Variants in NXPE2 observed in about 807,000 individuals in gnomAD.
The protein encoded by NXPE2 is neurexophilin and PC-esterase domain family member 2.
In NXPE2, 34 loss-of-function variants were observed where a neutral mutation model predicts 34.4. The observed-to-expected ratio is 0.99, with a 90% CI of 0.75 to 1.31. The LOEUF is 1.31. Ranked by LOEUF, NXPE2 falls within the 40% of genes most tolerant of loss-of-function variation. The pLI is 0.00. For synonymous variants in NXPE2, 235 were observed against 231.3 expected (o/e 1.02, Z -0.15); for missense variants, 649 against 672.5 (o/e 0.97, Z 0.39).
At chr11:114,490,488 T>C in the NXPE2 span, among the ~76,000 whole-genome samples, 1 of 152,220 alleles carries the variant, frequency 6.6e-6, no homozygotes, top group Non-Finnish European at 1.5e-5. Flanking sequence ...AGCATGGTAC[T>C]GATACCAAAA....
chr11:114,638,654 C>A, the NXPE2 span, among the ~76,000 whole-genome samples: 1 of 152,010 alleles, frequency 6.6e-6, no homozygotes, highest in Non-Finnish European at 1.5e-5. Context: ...TGTGGATGTC[C>A]TTTCTGTTTG....
chr11:114,591,531 G>A, the NXPE2 span, among the ~76,000 whole-genome samples: 1 of 152,096 alleles, frequency 6.6e-6, no homozygotes, highest in Non-Finnish European at 1.5e-5. Context: ...TCAACTTGAA[G>A]CCCCTCTAAC....
At chr11:114,807,917 C>T in the NXPE2 span, among the ~76,000 whole-genome samples, 1 of 152,174 alleles carries the variant, frequency 6.6e-6, no homozygotes. Context: ...ACCATGCCTA[C>T]TCCAAAATTG....
At chr11:114,636,348 C>T in the NXPE2 span, among the ~76,000 whole-genome samples, 1 of 151,764 alleles carries the variant, frequency 6.6e-6, no homozygotes, top group Admixed American at 6.6e-5. Flanking sequence ...TTTGATTCTT[C>T]TCTCTTTTTT....
intron 2 of NXPE2, among the ~76,000 whole-genome samples, chr11:114,687,956 C>G (rs11215151): frequency 0.21 from 31,491 of 151,998 alleles, 3,599 homozygotes; most frequent in East Asian, 0.42. Flanking sequence ...TGAGACTTTG[C>G]TAAAGACCTG....
chr11:114,791,123 C>T, the NXPE2 span, among the ~76,000 whole-genome samples: 8 of 151,680 alleles, frequency 5.3e-5, no homozygotes, highest in African/African-American at 1.2e-4. Context: ...TGTCAAATTA[C>T]TGCTTCAGTC....
the NXPE2 span, among the ~76,000 whole-genome samples, chr11:114,721,396 C>T: frequency 1.3e-5 from 2 of 152,128 alleles, no homozygotes; most frequent in East Asian, 3.9e-4. Context: ...TCTGCCTGAT[C>T]ATCCGTGTTG....
At chr11:114,523,782 A>T in the NXPE2 span, among the ~76,000 whole-genome samples, 2 of 152,144 alleles carry the variant, frequency 1.3e-5, no homozygotes, top group Non-Finnish European at 1.5e-5. Flanking sequence ...TTCTCCTGTC[A>T]TGTTTCCTTA....
At chr11:114,474,715 T>C in the NXPE2 span, among the ~76,000 whole-genome samples, 1 of 152,180 alleles carries the variant, frequency 6.6e-6, no homozygotes, top group African/African-American at 2.4e-5. Context: ...TGAAAAACGG[T>C]ATGTAATATC....
chr11:114,479,470 G>T, the NXPE2 span, among the ~76,000 whole-genome samples: 10 of 152,252 alleles, frequency 6.6e-5, no homozygotes, highest in African/African-American at 2.4e-4. Flanking sequence ...TGTGAAAGGA[G>T]TTGCTGAGGG....
At chr11:114,604,920 C>T in the NXPE2 span, among the ~76,000 whole-genome samples, 2 of 151,966 alleles carry the variant, frequency 1.3e-5, no homozygotes, top group South Asian at 4.1e-4. Context: ...ATTAGTGTTG[C>T]CTCTAGGGTA....
At chr11:114,581,903 AC>A in the NXPE2 span, 12 of 720,368 alleles carry the variant, frequency 1.7e-5, no homozygotes, top group African/African-American at 2.0e-4. Flanking sequence ...TATTATGCCT[AC>A]AGTTTCAGGC....
chr11:114,542,887 AAAC>A, the NXPE2 span, among the ~76,000 whole-genome samples: 1 of 152,224 alleles, frequency 6.6e-6, no homozygotes, highest in Non-Finnish European at 1.5e-5. Context: ...TTATAACACA[AAAC>A]AATATGTCAT....
At chr11:114,788,395 C>T in the NXPE2 span, among the ~76,000 whole-genome samples, 1 of 152,170 alleles carries the variant, frequency 6.6e-6, no homozygotes, top group East Asian at 1.9e-4. Context: ...CCATTGCAGA[C>T]ACTGCTGGAG....
At chr11:114,658,576 T>C in the NXPE2 span, among the ~76,000 whole-genome samples, 1 of 152,094 alleles carries the variant, frequency 6.6e-6, no homozygotes, top group Non-Finnish European at 1.5e-5. Flanking sequence ...ACTAAAGTGT[T>C]ATGCTACTGG....
chr11:114,777,575 C>T, the NXPE2 span, among the ~76,000 whole-genome samples: 1 of 152,152 alleles, frequency 6.6e-6, no homozygotes, highest in Non-Finnish European at 1.5e-5. Context: ...TGAGGCATTT[C>T]CATGAGTTGG....
chr11:114,522,785 A>ATTTGTTT, the NXPE2 span: 1 of 907,912 alleles, frequency 1.1e-6, no homozygotes, highest in South Asian at 1.6e-5. Context: ...AATGAAGTAA[A>ATTTGTTT]AAACAAAATA....
chr11:114,675,134 ATAGAAGGATTAT>A (rs1402306019), upstream of NXPE2, among the ~76,000 whole-genome samples: 2 of 151,880 alleles, frequency 1.3e-5, no homozygotes, highest in African/African-American at 2.4e-5. Flanking sequence ...AAAATTGAGT[ATAGAAGGATTAT>A]TAGAAGGATT....
chr11:114,601,731 T>TTATATATAATTATAA, the NXPE2 span, among the ~76,000 whole-genome samples: 3 of 72,004 alleles, frequency 4.2e-5, no homozygotes, highest in African/African-American at 5.9e-5. Flanking sequence ...TAATTATATA[T>TTATATATAATTATAA]TATATATAAT....
Sources: allele counts gnomAD v4.1 joint callset (sites outside exome capture counted in the v4.1 genomes callset), GRCh38; gene constraint gnomAD v4.1.1; transcripts MANE v1.5; gene names NCBI Gene and HGNC (gene_info 2026-07-23, HGNC 2026-07-21).